NPAP1: variants seen among roughly 807,000 people sequenced by gnomAD.
NPAP1 encodes nuclear pore-associated protein 1.
For synonymous variants in NPAP1, 616 were observed against 581.4 expected, an observed-to-expected ratio of 1.06 and a Z score of -0.86; for missense variants, 1,483 against 1,454.5, an observed-to-expected ratio of 1.02 and a Z score of -0.32.
rs1019258679 is a variant in NPAP1, at chr15:24,675,897, C to A, written c.30C>A (p.Pro10=). MGNLLSKFR[P]GCRRRPLPGP... is the part of the protein sequence containing the mutation. ...GCAATTTACTTAGTAAATTTAGACC[C>A]GGGTGCCGCCGCCGGCCCCTGCCAG... Residue 10 remains proline (P), a synonymous_variant, in exon 1 of 1, where the codon CCC becomes CCA. Transcript: ENST00000329468. 1.3e-6 allele frequency: 2 copies of A among 1,576,612 alleles called. No individual in the cohort carries two copies. The highest frequency in any genetic ancestry group is 2.8e-5 in the African/African-American group (2 of 72,036).
rs2141314545 is a variant in NPAP1 at position 24,679,295 on chromosome 15, A to G, written c.3428A>G (p.Gln1143Arg). The change falls in exon 1 of 1, where the codon CAA becomes CGA. Residue 1143 changes from glutamine (Q) to arginine (R), a missense_variant. Gln to Arg is a conservative substitution (Grantham distance 43, BLOSUM62 1). Coordinates refer to ENST00000329468, the MANE Select transcript of NPAP1 (RefSeq NM_018958.3). Reference sequence around the variant, plus strand: ...ACTTCAAGCACCCACTACTATGGACAAGAAACATATGTTAGGAGACATGTC... The same window carrying G: ...ACTTCAAGCACCCACTACTATGGACGAGAAACATATGTTAGGAGACATGTC... ...FYTSSTHYYGQETYVRRHVCF... is the reference protein window; with the variant it reads ...FYTSSTHYYGRETYVRRHVCF... 6.2e-7 allele frequency: 1 copy of G among 1,613,882 alleles called. No individual in the cohort carries two copies. Among genetic ancestry groups the G allele is most frequent in the Non-Finnish European group, 8.5e-7 (1 of 1,179,982 alleles).
rs138424982 is a variant in NPAP1, at chr15:24,679,605, ATCCAC to A, written c.*268_*272del. On this transcript the variant is annotated 3_prime_UTR_variant, in exon 1 of 1. Coordinates refer to ENST00000329468, the MANE Select transcript of NPAP1 (RefSeq NM_018958.3). ...TATCTTTAATTAGAGGCCCTTGTGT[ATCCAC>A]CTACCAACAAAGTACCTAGGGCCCA... 0.15 allele frequency: 71,589 copies of A among 462,488 alleles called. 6,425 individuals are homozygous for A. Among genetic ancestry groups the A allele is most frequent in the Middle Eastern group, 0.27 (433 of 1,600 alleles). The allele number at this position is 462,488 out of a possible 1,614,324, so 28.6% of individuals were successfully genotyped here. A position where few individuals can be genotyped will look rare whatever the true frequency, so the allele number is the denominator to read the frequency against.
rs142710386 is a variant in NPAP1 at position 24,677,548 on chromosome 15, G to C, written c.1681G>C (p.Ala561Pro). ...TSVISTVTTN[A>P]SAHLTSQTAV... ...AGTCATTTCCACTGTCACAACAAAC[G>C]CATCTGCCCACCTAACCTCACAGAC... Residue 561 changes from alanine (A) to proline (P), a missense_variant, in exon 1 of 1, where the codon GCA (alanine) becomes CCA (proline). Ala to Pro is a conservative substitution (Grantham distance 27). Transcript: ENST00000329468. 1 of 1,613,944 alleles carries C rather than the reference G, an allele frequency of 6.2e-7. No homozygotes were observed. Among genetic ancestry groups the C allele is most frequent in the Non-Finnish European group, 8.5e-7 (1 of 1,180,002 alleles).
In NPAP1 at chr15:24,683,202, T is replaced by C. The variant is rs1274228401; in HGVS notation, c.*3864T>C. 2 of 173,322 alleles carry C rather than the reference T, an allele frequency of 1.2e-5. No individual in the cohort carries two copies. The highest frequency in any genetic ancestry group is 2.5e-5 in the Non-Finnish European group (2 of 81,244). The allele number at this position is 173,322 out of a possible 1,614,324, so 10.7% of individuals were successfully genotyped here. A position where few individuals can be genotyped will look rare whatever the true frequency, so the allele number is the denominator to read the frequency against. Reference sequence around the variant, plus strand: ...CTACCTTTGCCTCTTTTAAAAGTTCTAAATTGCTAGCCAATCGGGACAAAT... The same window carrying C: ...CTACCTTTGCCTCTTTTAAAAGTTCCAAATTGCTAGCCAATCGGGACAAAT... On this transcript the variant is annotated 3_prime_UTR_variant, in exon 1 of 1. Coordinates refer to ENST00000329468, the MANE Select transcript of NPAP1 (RefSeq NM_018958.3).
In NPAP1 at chr15:24,679,037, C is replaced by T. The variant is rs2141313980; in HGVS notation, c.3170C>T (p.Ala1057Val). 2 of 1,614,198 alleles carry T rather than the reference C, an allele frequency of 1.2e-6. No individual in the cohort carries two copies. The highest frequency in any genetic ancestry group is 1.6e-4 in the Middle Eastern group (1 of 6,062). The change falls in exon 1 of 1, where the codon GCA (alanine) becomes GTA (valine). Residue 1057 changes from alanine to valine, a missense_variant. Ala to Val is a moderately conservative substitution (Grantham distance 64). Coordinates refer to ENST00000329468, the MANE Select transcript of NPAP1 (RefSeq NM_018958.3). ...STTSVFPFGQ[A>V]AWDPTGHSMA... ...ACTTCTGTTTTCCCATTTGGTCAGGCAGCCTGGGACCCAACTGGCCACAGC... is the reference window on the plus strand; with the variant it reads ...ACTTCTGTTTTCCCATTTGGTCAGGTAGCCTGGGACCCAACTGGCCACAGC...
chr15:24,676,567 T>C lies in NPAP1; in HGVS notation c.700T>C (p.Leu234=), dbSNP rs372300246. 2.5e-6 allele frequency: 4 copies of C among 1,613,926 alleles called. No homozygotes were observed. Among genetic ancestry groups the C allele is most frequent in the Non-Finnish European group, 3.4e-6 (4 of 1,180,034 alleles). The stretch of plus-strand genomic sequence containing the variant: ...CCAGGCGTCTCCAGCGAGCTCCTGC[T>C]TGGAAGGCCCTGCCATGCCCAGCAC... ...KAQASPASSC[L]EGPAMPSTHS... is the part of the protein sequence containing the mutation. Residue 234 remains leucine, a synonymous_variant, in exon 1 of 1, where the codon TTG becomes CTG. Transcript: ENST00000329468.
rs2049026269 is a variant in NPAP1 at position 24,682,866 on chromosome 15, A to G, written c.*3528A>G. The stretch of plus-strand genomic sequence containing the variant: ...GTTTGGGAGTGGTAAGACCAAAGTA[A>G]ATGTAAAAAGTAAAGTAGAGGTTCC... On this transcript the variant is annotated 3_prime_UTR_variant, in exon 1 of 1. Coordinates refer to ENST00000329468, the MANE Select transcript of NPAP1 (RefSeq NM_018958.3). 1 of 167,114 alleles carries G rather than the reference A, an allele frequency of 6.0e-6. No homozygotes were observed. The highest frequency in any genetic ancestry group is 2.4e-5 in the African/African-American group (1 of 41,468). 10.4% of individuals were successfully genotyped at this position (167,114 alleles called of 1,614,324 possible).
rs2049009829 is a variant in NPAP1, at chr15:24,680,457, T to C, written c.*1119T>C. On this transcript the variant is annotated 3_prime_UTR_variant, in exon 1 of 1. Transcript: ENST00000329468. ...TACTCCTATCAATGGTCTTAAGAAA[T>C]AAGCACTCTCCCTGCACATACAGTT... 1 of 167,044 alleles carries C rather than the reference T, an allele frequency of 6.0e-6. No individual in the cohort carries two copies. The highest frequency in any genetic ancestry group is 2.1e-4 in the South Asian group (1 of 4,830). The allele number at this position is 167,044 out of a possible 1,614,324, so 10.3% of individuals were successfully genotyped here.
chr15:24,676,601 A>C lies in NPAP1; in HGVS notation c.734A>C (p.Gln245Pro). ...CCTGCCATGCCCAGCACACACAGCCAGGCCGGATGTGCCCGGCATCTTGGA... is the reference window on the plus strand; with the variant it reads ...CCTGCCATGCCCAGCACACACAGCCCGGCCGGATGTGCCCGGCATCTTGGA... The part of the protein sequence containing the change: ...EGPAMPSTHS[Q>P]AGCARHLGKP... The change falls in exon 1 of 1, where the codon CAG becomes CCG. Residue 245 changes from glutamine (Q) to proline (P), a missense_variant. Physicochemically the swap from Gln to Pro is moderately conservative, Grantham distance 76 (BLOSUM62 -1). Coordinates refer to ENST00000329468, the MANE Select transcript of NPAP1 (RefSeq NM_018958.3). 3.1e-6 allele frequency: 5 copies of C among 1,614,054 alleles called. No individual in the cohort carries two copies.
rs2141312774 is a variant in NPAP1 at position 24,678,505 on chromosome 15, G to A, written c.2638G>A (p.Asp880Asn). 6.2e-7 allele frequency: 1 copy of A among 1,614,204 alleles called. No homozygotes were observed. The highest frequency in any genetic ancestry group is 8.5e-7 in the Non-Finnish European group (1 of 1,180,040). Residue 880 changes from aspartate (D) to asparagine (N), a missense_variant, in exon 1 of 1, where the codon GAT becomes AAT. Coordinates refer to ENST00000329468, the MANE Select transcript of NPAP1 (RefSeq NM_018958.3). ...QVSTSFPAQADRRPTTTSSHP... is the reference protein window; with the variant it reads ...QVSTSFPAQANRRPTTTSSHP... ...CTCCACCAGTTTTCCTGCACAGGCA[G>A]ATAGGAGACCAACCACAACTTCCAG...
In NPAP1 at chr15:24,676,146, C is replaced by T. The variant is rs1204359223; in HGVS notation, c.279C>T (p.Ala93=). 6.3e-7 allele frequency: 1 copy of T among 1,575,398 alleles called. No homozygotes were observed. Among genetic ancestry groups the T allele is most frequent in the Admixed American group, 1.8e-5 (1 of 55,294 alleles). The change falls in exon 1 of 1, where the codon GCC becomes GCT. Residue 93 remains alanine, a synonymous_variant. Coordinates refer to ENST00000329468, the MANE Select transcript of NPAP1 (RefSeq NM_018958.3). ...TGCCGGCTGTGGGTTGGGGGCTGGC[C>T]ATCAGGAAGACACCCATGCTGCCTG... The part of the protein sequence containing the change: ...GVLPAVGWGL[A]IRKTPMLPAR...
In NPAP1 at chr15:24,678,904, A is replaced by G. The variant is rs2141313677; in HGVS notation, c.3037A>G (p.Thr1013Ala). 6.2e-7 allele frequency: 1 copy of G among 1,613,888 alleles called. No individual in the cohort carries two copies. Among genetic ancestry groups the G allele is most frequent in the Non-Finnish European group, 8.5e-7 (1 of 1,179,982 alleles). Residue 1013 changes from threonine to alanine, a missense_variant, in exon 1 of 1, where the codon ACC (threonine) becomes GCC (alanine). Physicochemically the swap from Thr to Ala is moderately conservative, Grantham distance 58. Coordinates refer to ENST00000329468, the MANE Select transcript of NPAP1 (RefSeq NM_018958.3). ...CCCACAAGTGATTATGGGACCTGGA[A>G]CCCCTATGGATGGTGGGAGCATTGG... ...PGPQVIMGPG[T>A]PMDGGSIGFS...
At position 24,678,516 on chromosome 15, in the gene NPAP1, A is replaced by C. The variant is rs2141312795; in HGVS notation, c.2649A>C (p.Pro883=). The C allele has an allele frequency of 6.2e-7, 1 of 1,614,214 alleles. No individual in the cohort carries two copies. Among genetic ancestry groups the C allele is most frequent in the African/African-American group, 1.3e-5 (1 of 75,060 alleles). The change falls in exon 1 of 1, where the codon CCA becomes CCC. Residue 883 remains proline (P), a synonymous_variant. Coordinates refer to ENST00000329468, the MANE Select transcript of NPAP1 (RefSeq NM_018958.3). ...TSFPAQADRR[P]TTTSSHPLNT... ...TTCCTGCACAGGCAGATAGGAGACC[A>C]ACCACAACTTCCAGCCATCCTTTAA...
In NPAP1 at chr15:24,677,556, C is replaced by T. The variant is rs2141310619; in HGVS notation, c.1689C>T (p.Ala563=). 1 of 1,614,124 alleles carries T rather than the reference C, an allele frequency of 6.2e-7. No individual in the cohort carries two copies. Among genetic ancestry groups the T allele is most frequent in the Non-Finnish European group, 8.5e-7 (1 of 1,180,012 alleles). Residue 563 remains alanine (A), a synonymous_variant, in exon 1 of 1, where the codon GCC becomes GCT. Coordinates refer to ENST00000329468, the MANE Select transcript of NPAP1 (RefSeq NM_018958.3). The part of the protein sequence containing the change: ...VISTVTTNAS[A]HLTSQTAVDP... ...CCACTGTCACAACAAACGCATCTGC[C>T]CACCTAACCTCACAGACTGCGGTAG...
chr15:24,681,242 C>A lies in NPAP1; in HGVS notation c.*1904C>A, dbSNP rs1245473680. The A allele has an allele frequency of 6.0e-6, 1 of 167,020 alleles. No homozygotes were observed. The highest frequency in any genetic ancestry group is 1.9e-4 in the East Asian group (1 of 5,200). 10.3% of individuals were successfully genotyped at this position (167,020 alleles called of 1,614,324 possible). ...CAAACTTCAAAAGTCTCAATGAAATCAGTACTTTTACTATGGCCTGTTTAT... is the reference window on the plus strand; with the variant it reads ...CAAACTTCAAAAGTCTCAATGAAATAAGTACTTTTACTATGGCCTGTTTAT... On this transcript the variant is annotated 3_prime_UTR_variant, in exon 1 of 1. Transcript: ENST00000329468.
Position 24,682,720 on chromosome 15 carries a change from T to G in NPAP1, c.*3382T>G, listed in dbSNP as rs1180833074. 6.0e-6 allele frequency: 1 copy of G among 167,008 alleles called. No homozygotes were observed. The highest frequency in any genetic ancestry group is 1.5e-5 in the Non-Finnish European group (1 of 68,112). 10.3% of individuals were successfully genotyped at this position (167,008 alleles called of 1,614,324 possible). A position where few individuals can be genotyped will look rare whatever the true frequency, so the allele number is the denominator to read the frequency against. ...CCTAAAACTTGAAGTGCCTTCCTTTTTTTCTCCTTGAACTCTTTTCCCATA... is the reference window on the plus strand; with the variant it reads ...CCTAAAACTTGAAGTGCCTTCCTTTGTTTCTCCTTGAACTCTTTTCCCATA... On this transcript the variant is annotated 3_prime_UTR_variant, in exon 1 of 1. Coordinates refer to ENST00000329468, the MANE Select transcript of NPAP1 (RefSeq NM_018958.3).
chr15:24,676,650 G>GC, the NPAP1 span: 1 of 1,613,836 alleles, frequency 6.2e-7, no homozygotes, highest in Non-Finnish European at 8.5e-7. Context: ...ATGCAACAGC[G>GC]CCCCCTGAGC....
chr15:24,677,241 C>A lies in NPAP1; in HGVS notation c.1374C>A (p.Ile458=), dbSNP rs902827866. The A allele has an allele frequency of 6.2e-7, 1 of 1,614,108 alleles. No individual in the cohort carries two copies. The highest frequency in any genetic ancestry group is 8.5e-7 in the Non-Finnish European group (1 of 1,180,044). ...TGGATGAGAAAATAGCATTCACAAT[C>A]CCTAACTCTCCTCTGGCTCTTCCTG... ...PKMDEKIAFT[I]PNSPLALPAD... The change falls in exon 1 of 1, where the codon ATC becomes ATA. Residue 458 remains isoleucine, a synonymous_variant. Coordinates refer to ENST00000329468, the MANE Select transcript of NPAP1 (RefSeq NM_018958.3).
chr15:24,679,696 C>T lies in NPAP1; in HGVS notation c.*358C>T. 1 of 252,480 alleles carries T rather than the reference C, an allele frequency of 4.0e-6. No homozygotes were observed. Among genetic ancestry groups the T allele is most frequent in the Non-Finnish European group, 8.3e-6 (1 of 121,140 alleles). The allele number at this position is 252,480 out of a possible 1,614,324, so 15.6% of individuals were successfully genotyped here. On this transcript the variant is annotated 3_prime_UTR_variant, in exon 1 of 1. Transcript: ENST00000329468. Reference sequence around the variant, plus strand: ...TGTCAACATTCATTTGATAGAAGGCCCTCATGTGCCCATGTATCAGCAAAG... The same window carrying T: ...TGTCAACATTCATTTGATAGAAGGCTCTCATGTGCCCATGTATCAGCAAAG...
Sources: allele counts gnomAD v4.1 joint callset, GRCh38; gene constraint gnomAD v4.1.1; transcripts MANE v1.5; gene names NCBI Gene and HGNC (gene_info 2026-07-23, HGNC 2026-07-21).